The following CMYA5 variants were observed in gnomAD, a reference collection of about 807,000 sequenced individuals.
CMYA5 encodes the protein cardiomyopathy-associated protein 5.
CMYA5 carries 246 observed loss-of-function variants against 318.9 expected under a neutral mutation model. The observed-to-expected ratio is 0.77, with a 90% CI of 0.70 to 0.86. The LOEUF is 0.86. Ranked by LOEUF, CMYA5 falls within the 40% of genes least tolerant of loss-of-function variation. The probability of loss-of-function intolerance (pLI) is 0.00; values close to 1 mark genes in which losing one functional copy is unlikely to be tolerated. For synonymous variants in CMYA5, 1,641 were observed against 1,729.5 expected (o/e 0.95, Z 1.27); for missense variants, 4,589 against 4,678.2 (o/e 0.98, Z 0.56).
chr5:79,695,746 T>C (rs1178661158), intron 1 of CMYA5, among the ~76,000 whole-genome samples: 4 of 152,252 alleles, frequency 2.6e-5, no homozygotes, highest in Non-Finnish European at 5.9e-5. Context: ...TGTAATATCA[T>C]AAGCATTACA....
rs1478033717 is a variant in CMYA5 at position 79,790,840 on chromosome 5, A to T, written c.11690-130A>T. The stretch of plus-strand genomic sequence containing the variant: ...TCATGAGTGAAGTTTTCAGCTGTGG[A>T]TCTGAAGACACTTCGTGGGGGATTT... On this transcript the variant is annotated intron_variant, in intron 10 of 12. Coordinates refer to ENST00000446378, the MANE Select transcript of CMYA5 (RefSeq NM_153610.5). 5 of 637,928 alleles carry T rather than the reference A, an allele frequency of 7.8e-6. No individual in the cohort carries two copies. In the East Asian group the frequency reaches 1.1e-4, roughly 14 times the overall value. 39.5% of individuals were successfully genotyped at this position (637,928 alleles called of 1,614,324 possible). A position where few individuals can be genotyped will look rare whatever the true frequency, so the allele number is the denominator to read the frequency against.
chr5:79,703,116 A>T (rs879030202), intron 1 of CMYA5, among the ~76,000 whole-genome samples: 4 of 152,182 alleles, frequency 2.6e-5, no homozygotes, highest in Non-Finnish European at 5.9e-5. Context: ...CTGGACCAGC[A>T]GGGGGCCCCG....
In CMYA5 at chr5:79,737,203, C is replaced by T; in HGVS notation, c.8438C>T (p.Ser2813Leu). ...TCAGAAACACCGCCATATTTGCTGT[C>T]ACCTGTAAAACCACAAACTCTTGCT... ...KSSETPPYLL[S>L]PVKPQTLASG... The change falls in exon 2 of 13, where the codon TCA becomes TTA. Residue 2813 changes from serine to leucine, a missense_variant. Coordinates refer to ENST00000446378, the MANE Select transcript of CMYA5 (RefSeq NM_153610.5). The T allele has an allele frequency of 5.6e-6, 9 of 1,613,612 alleles. No individual in the cohort carries two copies. The highest frequency in any genetic ancestry group is 1.7e-4 in the Middle Eastern group (1 of 6,058).
At chr5:79,711,833 A>C (rs1827396661) in intron 1 of CMYA5, among the ~76,000 whole-genome samples, 1 of 152,234 alleles carries the variant, frequency 6.6e-6, no homozygotes, top group South Asian at 2.1e-4. Context: ...TATTGGCAGC[A>C]TTAATTGTGG....
rs140583383 is a variant in CMYA5, at chr5:79,730,996, C to A, written c.2231C>A (p.Pro744Gln). 2 of 1,613,970 alleles carry A rather than the reference C, an allele frequency of 1.2e-6. No individual in the cohort carries two copies. Among genetic ancestry groups the A allele is most frequent in the African/African-American group, 2.7e-5 (2 of 75,032 alleles). Residue 744 changes from proline (P) to glutamine (Q), a missense_variant, in exon 2 of 13, where the codon CCA (proline) becomes CAA (glutamine). Coordinates refer to ENST00000446378, the MANE Select transcript of CMYA5 (RefSeq NM_153610.5). ...AAGGAAGACACTGGATCGTTTACTCCAGCTGTGGCCCCTGCTTCTGAGCCC... is the reference window on the plus strand; with the variant it reads ...AAGGAAGACACTGGATCGTTTACTCAAGCTGTGGCCCCTGCTTCTGAGCCC... ...EEKEDTGSFT[P>Q]AVAPASEPSL...
chr5:79,768,160 T>C (rs1265417825), intron 9 of CMYA5, among the ~76,000 whole-genome samples: 1 of 152,176 alleles, frequency 6.6e-6, no homozygotes, highest in Admixed American at 6.5e-5. Flanking sequence ...TTGGTAAGTA[T>C]TCCTCCATCC....
chr5:79,760,111 C>T (rs1411211218), intron 7 of CMYA5, among the ~76,000 whole-genome samples: 1 of 151,354 alleles, frequency 6.6e-6, no homozygotes, highest in Non-Finnish European at 1.5e-5. Context: ...TTACACCATA[C>T]TTCATCTCCA....
In CMYA5 at chr5:79,736,527, T is replaced by G; in HGVS notation, c.7762T>G (p.Leu2588Val). The change falls in exon 2 of 13, where the codon TTA (leucine) becomes GTA (valine). Residue 2588 changes from leucine (L) to valine (V), a missense_variant. Around this residue, in one of 3 missense-constraint regions of CMYA5, gnomAD observed 2,431 missense variants for 2,495.1 expected, o/e 0.97. Coordinates refer to ENST00000446378, the MANE Select transcript of CMYA5 (RefSeq NM_153610.5). Reference protein sequence around the residue: ...HSLGETQSFSLVKATSVTEKS... With the variant: ...HSLGETQSFSVVKATSVTEKS... ...TTTGGGTGAAACTCAATCATTTTCA[T>G]TAGTTAAAGCTACATCAGTTACTGA... is the stretch of plus-strand genomic sequence containing the variant. 6.2e-7 allele frequency: 1 copy of G among 1,613,496 alleles called. No homozygotes were observed. Among genetic ancestry groups the G allele is most frequent in the Non-Finnish European group, 8.5e-7 (1 of 1,179,682 alleles).
chr5:79,729,864 C>T lies in CMYA5; in HGVS notation c.1099C>T (p.Pro367Ser), dbSNP rs542509956. 2.3e-5 allele frequency: 37 copies of T among 1,612,520 alleles called. No individual in the cohort carries two copies. In the South Asian group the frequency reaches 4.1e-4, roughly 18 times the overall value. ...GCATTCACAGTCAGTGCCACAACAGCCAGAAGATGAAGCAAAACCACATGA... is the reference window on the plus strand; with the variant it reads ...GCATTCACAGTCAGTGCCACAACAGTCAGAAGATGAAGCAAAACCACATGA... ...LRHSQSVPQQ[P>S]EDEAKPHEVE... Residue 367 changes from proline (P) to serine (S), a missense_variant, in exon 2 of 13, where the codon CCA (proline) becomes TCA (serine). By Grantham distance (74) the Pro-to-Ser change is moderately conservative. This residue lies in a region of CMYA5 where 2,132 missense variants were observed against 2,131.3 expected (regional missense o/e 1.00). Transcript: ENST00000446378.
chr5:79,798,613 A>G (rs1460250411), intron 12 of CMYA5, among the ~76,000 whole-genome samples: 1 of 152,208 alleles, frequency 6.6e-6, no homozygotes. Flanking sequence ...TCCGAGTTTC[A>G]AATGTGGGCA....
intron 1 of CMYA5, among the ~76,000 whole-genome samples, chr5:79,692,644 A>G (rs925462703): frequency 6.6e-6 from 1 of 152,236 alleles, no homozygotes; most frequent in African/African-American, 2.4e-5. Context: ...AATAATAAGA[A>G]TTCCTAATTC....
chr5:79,700,966 T>C (rs11950701), intron 1 of CMYA5, among the ~76,000 whole-genome samples: 75,989 of 151,322 alleles, frequency 0.5, 19,942 homozygotes, highest in African/African-American at 0.64. Flanking sequence ...CACTTAGGGC[T>C]GGGCGCAGTG....
In CMYA5 at chr5:79,739,396, C is replaced by T. The variant is rs774996345; in HGVS notation, c.10631C>T (p.Ala3544Val). The T allele has an allele frequency of 9.2e-6, 14 of 1,517,750 alleles. No individual in the cohort carries two copies. The South Asian group carries it at 1.7e-4, about 18-fold the overall frequency. The allele number at this position is 1,517,750 out of a possible 1,614,324, so 94.0% of individuals were successfully genotyped here. A position where few individuals can be genotyped will look rare whatever the true frequency, so the allele number is the denominator to read the frequency against. Residue 3544 changes from alanine (A) to valine (V), a missense_variant, in exon 2 of 13, where the codon GCT (alanine) becomes GTT (valine). Coordinates refer to ENST00000446378, the MANE Select transcript of CMYA5 (RefSeq NM_153610.5). ...EVSTLDTAIS[A>V]VKVQLAEFLE... The stretch of plus-strand genomic sequence containing the variant: ...TCAACGCTTGACACAGCTATAAGTG[C>T]TGTAAAGGTAAATAGATGTTGAACA...
rs61465432 is a variant in CMYA5, at chr5:79,728,899, T to C, written c.150-16T>C. The stretch of plus-strand genomic sequence containing the variant: ...TTATTATGATAATATATAATTAATA[T>C]TGTTATTTGCTATAGGTTATCAGAC... On this transcript the variant is annotated splice_polypyrimidine_tract_variant and intron_variant, in intron 1 of 12. Transcript: ENST00000446378. 141,207 of 1,222,528 alleles carry C rather than the reference T, an allele frequency of 0.12. 17,121 individuals carry two copies. Among genetic ancestry groups the C allele is most frequent in the African/African-American group, 0.52 (32,482 of 62,410 alleles). 75.7% of individuals were successfully genotyped at this position (1,222,528 alleles called of 1,614,324 possible).
rs868123742 is a variant in CMYA5 at position 79,747,092 on chromosome 5, C to T, written c.10970C>T (p.Ser3657Leu). The T allele has an allele frequency of 5.3e-5, 81 of 1,516,146 alleles. No homozygotes were observed. In the Middle Eastern group the frequency reaches 1.0e-3, roughly 19 times the overall value. The allele number at this position is 1,516,146 out of a possible 1,614,324, so 93.9% of individuals were successfully genotyped here. The change falls in exon 5 of 13, where the codon TCG becomes TTG. Residue 3657 changes from serine to leucine, a missense_variant and splice_region_variant. Around this residue, in one of 3 missense-constraint regions of CMYA5, gnomAD observed 2,431 missense variants for 2,495.1 expected, o/e 0.97. Coordinates refer to ENST00000446378, the MANE Select transcript of CMYA5 (RefSeq NM_153610.5). ...CCTTCCTCTCTCTTTCTCCCTAAGT[C>T]GTTTGAGGAAATCAATGAAAGGTAT... ...EELDEAVFLT[S>L]FEEINERLLS...
intron 6 of CMYA5, among the ~76,000 whole-genome samples, chr5:79,753,853 T>C (rs1283473526): frequency 3.3e-5 from 5 of 152,238 alleles, no homozygotes; most frequent in Admixed American, 3.3e-4. Context: ...AAGTGTTTTC[T>C]TGTAATGTCT....
At chr5:79,776,686 C>T in intron 9 of CMYA5, among the ~76,000 whole-genome samples, 1 of 152,294 alleles carries the variant, frequency 6.6e-6, no homozygotes, top group East Asian at 1.9e-4. Context: ...AGGGCCCAGC[C>T]ATGTACTCTG....
intron 6 of CMYA5, among the ~76,000 whole-genome samples, chr5:79,755,608 T>G (rs1227931770): frequency 6.6e-6 from 1 of 152,168 alleles, no homozygotes; most frequent in Non-Finnish European, 1.5e-5. Flanking sequence ...TATTCAAGTT[T>G]ATTACTGTAA....
intron 9 of CMYA5, among the ~76,000 whole-genome samples, chr5:79,773,319 G>GA (rs543759514): frequency 3.7e-4 from 56 of 152,064 alleles, no homozygotes; most frequent in Non-Finnish European, 6.8e-4. Flanking sequence ...TTAAAATGAG[G>GA]AAAAAAATAA....
Sources: gnomAD v4.1 joint callset for allele counts (sites outside exome capture counted in the v4.1 genomes callset) on GRCh38, gnomAD v4.1.1 for gene constraint, gnomAD v4.1.1 regional missense constraint, MANE v1.5 for transcripts, NCBI Gene and HGNC (gene_info 2026-07-23, HGNC 2026-07-21) for gene names.